LRRC4C: variants seen among roughly 807,000 people sequenced by gnomAD.
LRRC4C encodes leucine-rich repeat-containing protein 4C.
A neutral mutation model predicts 33.6 loss-of-function variants in LRRC4C; 5 were observed. The ratio of observed to expected loss-of-function variants is 0.15; its 90% CI spans 0.08 to 0.31. LRRC4C has a LOEUF of 0.31. Among genes scored for constraint, LRRC4C ranks in the 10% least tolerant of loss-of-function variants. The probability of loss-of-function intolerance (pLI) is 1.00; values close to 1 mark genes in which losing one functional copy is unlikely to be tolerated. For synonymous variants in LRRC4C, 329 were observed against 302.0 expected, an observed-to-expected ratio of 1.09 and a Z score of -0.93; for missense variants, 560 against 796.7, an observed-to-expected ratio of 0.70 and a Z score of 3.58.
At chr11:40,847,738 G>C (rs1026209084) in intron 2 of LRRC4C, among the ~76,000 whole-genome samples, 47 of 148,500 alleles carry the variant, frequency 3.2e-4, no homozygotes, top group Non-Finnish European at 6.8e-4. Flanking sequence ...ACTTCTCTTT[G>C]TACCTCTGGT....
intron 3 of LRRC4C, among the ~76,000 whole-genome samples, chr11:40,332,994 T>A (rs2136948647): frequency 6.6e-6 from 1 of 152,346 alleles, no homozygotes; most frequent in East Asian, 1.9e-4. Context: ...AAATATTTAT[T>A]GAATAAATTA....
At chr11:41,053,316 G>A (rs1858387021) in intron 1 of LRRC4C, among the ~76,000 whole-genome samples, 2 of 152,312 alleles carry the variant, frequency 1.3e-5, no homozygotes, top group South Asian at 4.1e-4. Flanking sequence ...ATGCTGGAGA[G>A]GCCCATGTGG....
chr11:40,449,330 G>C (rs1358318064), intron 3 of LRRC4C, among the ~76,000 whole-genome samples: 1 of 132,336 alleles, frequency 7.6e-6, no homozygotes, highest in Non-Finnish European at 1.6e-5. Context: ...ACAAAACAAA[G>C]CAAAACAAAA....
intron 1 of LRRC4C, among the ~76,000 whole-genome samples, chr11:41,028,156 T>C (rs1210958199): frequency 6.6e-6 from 1 of 151,408 alleles, no homozygotes; most frequent in East Asian, 1.9e-4. Context: ...ACTGGAAGGA[T>C]CATCCATTTT....
intron 2 of LRRC4C, among the ~76,000 whole-genome samples, chr11:40,867,859 C>T (rs1954445120): frequency 6.6e-6 from 1 of 152,154 alleles, no homozygotes. Context: ...CTTGCCTCAC[C>T]CCATCCAGCA....
chr11:40,969,949 C>A (rs1165003839), intron 1 of LRRC4C, among the ~76,000 whole-genome samples: 1 of 152,150 alleles, frequency 6.6e-6, no homozygotes, highest in East Asian at 1.9e-4. Flanking sequence ...ATCAATAGAA[C>A]AAGGCAGAAG....
At chr11:41,270,422 A>T (rs1949283527) in intron 1 of LRRC4C, among the ~76,000 whole-genome samples, 2 of 152,118 alleles carry the variant, frequency 1.3e-5, no homozygotes, top group South Asian at 4.1e-4. Flanking sequence ...ACCAGGTCAC[A>T]TATGTGAAAG....
chr11:41,144,560 T>C (rs113829527), intron 1 of LRRC4C, among the ~76,000 whole-genome samples: 7 of 152,322 alleles, frequency 4.6e-5, no homozygotes, highest in African/African-American at 1.7e-4. Context: ...TATATATATA[T>C]GCATTCAGAT....
intron 5 of LRRC4C, among the ~76,000 whole-genome samples, chr11:40,191,298 C>A (rs956802907): frequency 5.9e-5 from 9 of 152,196 alleles, no homozygotes; most frequent in African/African-American, 2.2e-4. Context: ...TTTCCTGTTT[C>A]ATTTTCTCAA....
At chr11:41,065,846 A>G (rs1938194390) in intron 1 of LRRC4C, among the ~76,000 whole-genome samples, 1 of 152,226 alleles carries the variant, frequency 6.6e-6, no homozygotes, top group African/African-American at 2.4e-5. Flanking sequence ...AAACTAACAC[A>G]GAGACGCAGA....
intron 1 of LRRC4C, among the ~76,000 whole-genome samples, chr11:41,149,928 T>C (rs544844874): frequency 2.6e-5 from 4 of 152,348 alleles, no homozygotes; most frequent in African/African-American, 9.6e-5. Context: ...TACTCATTTG[T>C]AGGCTGCTTT....
At chr11:40,356,201 G>C (rs1947663648) in intron 3 of LRRC4C, among the ~76,000 whole-genome samples, 1 of 152,018 alleles carries the variant, frequency 6.6e-6, no homozygotes, top group South Asian at 2.1e-4. Flanking sequence ...ACTCCTACCA[G>C]TACCTATTTC....
At chr11:41,033,325 C>T (rs1182710641) in intron 1 of LRRC4C, among the ~76,000 whole-genome samples, 1 of 151,914 alleles carries the variant, frequency 6.6e-6, no homozygotes, top group African/African-American at 2.4e-5. Context: ...AAGCACTGAA[C>T]AGAGAAAATA....
At chr11:40,702,753 A>G (rs1334756096) in intron 2 of LRRC4C, among the ~76,000 whole-genome samples, 1 of 151,974 alleles carries the variant, frequency 6.6e-6, no homozygotes, top group Non-Finnish European at 1.5e-5. Context: ...TCTTTGAGCT[A>G]CTTTCTAAAT....
chr11:40,731,350 G>A (rs182579903), intron 2 of LRRC4C, among the ~76,000 whole-genome samples: 2 of 147,906 alleles, frequency 1.4e-5, no homozygotes, highest in East Asian at 3.9e-4. Flanking sequence ...AAAGTGTGAG[G>A]CACCTCCTCT....
chr11:40,631,473 C>G (rs1156655597), intron 3 of LRRC4C, among the ~76,000 whole-genome samples: 2 of 152,146 alleles, frequency 1.3e-5, no homozygotes, highest in African/African-American at 4.8e-5. Context: ...CTGTAACAGA[C>G]ATATGGCTGC....
chr11:41,357,860 A>G (rs1167091616), intron 1 of LRRC4C, among the ~76,000 whole-genome samples: 1 of 152,134 alleles, frequency 6.6e-6, no homozygotes, highest in Non-Finnish European at 1.5e-5. Flanking sequence ...GATTTAATGC[A>G]ATCTTAAAGC....
At chr11:40,879,956 G>A (rs890060059) in intron 2 of LRRC4C, among the ~76,000 whole-genome samples, 5 of 152,008 alleles carry the variant, frequency 3.3e-5, no homozygotes, top group Non-Finnish European at 5.9e-5. Context: ...ATCTCTCTTT[G>A]CAACTGGACA....
At chr11:40,414,773 C>T (rs1447308278) in intron 3 of LRRC4C, among the ~76,000 whole-genome samples, 1 of 151,914 alleles carries the variant, frequency 6.6e-6, no homozygotes, top group African/African-American at 2.4e-5. Flanking sequence ...TCATGTATTC[C>T]TTAACATGCA....
Sources: gnomAD v4.1 joint callset for allele counts (sites outside exome capture counted in the v4.1 genomes callset) on GRCh38, gnomAD v4.1.1 for gene constraint, MANE v1.5 for transcripts, NCBI Gene and HGNC (gene_info 2026-07-23, HGNC 2026-07-21) for gene names.